RPGRIP1L: variants seen among roughly 807,000 people sequenced by gnomAD.
The protein encoded by RPGRIP1L is RPGRIP1 like, also known as protein fantom.
Under a neutral mutation model 160.4 loss-of-function variants are expected in RPGRIP1L, and 131 were observed. That is an observed-to-expected ratio of 0.82 (90% CI 0.71 to 0.94). The LOEUF (loss-of-function observed/expected upper bound fraction) is 0.94. RPGRIP1L is among the 40% of genes least tolerant of loss of function. RPGRIP1L has a pLI of 0.00. For synonymous variants in RPGRIP1L, 510 were observed against 515.8 expected (o/e 0.99, Z 0.15); for missense variants, 1,522 against 1,535.8 (o/e 0.99, Z 0.15).
rs953486434 is a variant in RPGRIP1L at position 53,646,011 on chromosome 16, A to C, written c.2305-8T>G. On this transcript the variant is annotated splice_region_variant and splice_polypyrimidine_tract_variant and intron_variant, in intron 16 of 26. Coordinates refer to ENST00000647211, the MANE Select transcript of RPGRIP1L (RefSeq NM_015272.5). ...GGGTGCTTGCTGACTTAACTGGAAAAACATACATATTTATATTAAGGAAAT... is the reference window on the plus strand; with the variant it reads ...GGGTGCTTGCTGACTTAACTGGAAACACATACATATTTATATTAAGGAAAT... 3.1e-6 allele frequency: 5 copies of C among 1,613,430 alleles called. No homozygotes were observed.
At chr16:53,651,170 C>CATCACTAT (rs1966849947) in intron 15 of RPGRIP1L, among the ~76,000 whole-genome samples, 1 of 152,172 alleles carries the variant, frequency 6.6e-6, no homozygotes, top group Admixed American at 6.5e-5. Flanking sequence ...CAGTAAATGG[C>CATCACTAT]ATCACTATTC....
intron 4 of RPGRIP1L, among the ~76,000 whole-genome samples, chr16:53,688,242 A>C (rs1377550186): frequency 1.3e-5 from 2 of 152,012 alleles, no homozygotes; most frequent in Non-Finnish European, 2.9e-5. Context: ...TAAGATTTAG[A>C]CTCCTGCAGT....
chr16:53,612,939 C>T (rs1282466442), intron 24 of RPGRIP1L, among the ~76,000 whole-genome samples: 1 of 152,180 alleles, frequency 6.6e-6, no homozygotes, highest in Non-Finnish European at 1.5e-5. Context: ...CTGGTAACCA[C>T]CATTCCATTT....
intron 25 of RPGRIP1L, among the ~76,000 whole-genome samples, chr16:53,610,222 T>C (rs1433542801): frequency 1.3e-5 from 2 of 152,154 alleles, no homozygotes; most frequent in Non-Finnish European, 2.9e-5. Context: ...CTTTTTAAGA[T>C]CAGTTTTTTT....
rs541397469 is a variant in RPGRIP1L, at chr16:53,656,117, C to T, written c.1699+355G>A. Among the ~76,000 whole-genome samples the T allele has an allele frequency of 3.9e-5, 6 of 152,146 alleles. No homozygotes were observed. In the South Asian group the frequency reaches 6.2e-4, roughly 16 times the overall value. Reference sequence around the variant, plus strand: ...ATGAAGTAATTTGAAATCTTGCTTGCAACACTGAATTTAAAAAGCAGTAGG... The same window carrying T: ...ATGAAGTAATTTGAAATCTTGCTTGTAACACTGAATTTAAAAAGCAGTAGG... On this transcript the variant is annotated intron_variant, in intron 14 of 26. Coordinates refer to ENST00000647211, the MANE Select transcript of RPGRIP1L (RefSeq NM_015272.5).
chr16:53,703,734 C>T (rs1478680441), intron 1 of RPGRIP1L, 69 bp downstream of exon 1: 2 of 282,212 alleles, frequency 7.1e-6, no homozygotes, highest in East Asian at 1.7e-4. Flanking sequence ...GACCCCGGCC[C>T]GCGCTGCAGT....
rs755790484 is a variant in RPGRIP1L, at chr16:53,641,029, T to TTA, written c.2958+2_2958+3dup. The TTA allele has an allele frequency of 1.3e-6, 2 of 1,594,992 alleles. No individual in the cohort carries two copies. The highest frequency in any genetic ancestry group is 2.2e-5 in the South Asian group (2 of 90,758). On this transcript the variant is annotated splice_donor_region_variant and intron_variant, in intron 19 of 26. Transcript: ENST00000647211. ...AATCAGTATTTTCAGTGTCTACTACTTACATCACTCTGATGTGGCATGATA... is the reference window on the plus strand; with the variant it reads ...AATCAGTATTTTCAGTGTCTACTACTTATACATCACTCTGATGTGGCATGATA...
At chr16:53,648,269 C>T (rs969822855) in intron 16 of RPGRIP1L, among the ~76,000 whole-genome samples, 5 of 151,996 alleles carry the variant, frequency 3.3e-5, no homozygotes, top group African/African-American at 4.8e-5. Flanking sequence ...GGAAATGCCA[C>T]CCTGAGGAAT....
intron 8 of RPGRIP1L, among the ~76,000 whole-genome samples, chr16:53,672,502 C>A (rs530523781): frequency 6.6e-6 from 1 of 152,116 alleles, no homozygotes; most frequent in Non-Finnish European, 1.5e-5. Context: ...AATACAACAG[C>A]CATCTCCTCA....
At chr16:53,617,091 A>AAAAAAAAAAAAAAAAAAAAAAC (rs1964427441) in intron 24 of RPGRIP1L, among the ~76,000 whole-genome samples, 1 of 148,896 alleles carries the variant, frequency 6.7e-6, no homozygotes, top group African/African-American at 2.5e-5. Flanking sequence ...AAAAAAAAAA[A>AAAAAAAAAAAAAAAAAAAAAAC]AAAAAAAAGC....
intron 25 of RPGRIP1L, among the ~76,000 whole-genome samples, chr16:53,609,299 TG>T (rs1963881646): frequency 6.6e-6 from 1 of 152,120 alleles, no homozygotes; most frequent in African/African-American, 2.4e-5. Flanking sequence ...AGTCTCACTA[TG>T]TTGCTCAGGC....
At chr16:53,640,864 C>A (rs1288702728) in intron 19 of RPGRIP1L, among the ~76,000 whole-genome samples, 169 bp downstream of exon 19, 1 of 152,072 alleles carries the variant, frequency 6.6e-6, no homozygotes, top group African/African-American at 2.4e-5. Context: ...AAAATTTGAA[C>A]AGTTAACACT....
rs554358957 is a variant in RPGRIP1L at position 53,698,307 on chromosome 16, G to A, written c.86-2012C>T. Among the ~76,000 whole-genome samples the A allele has an allele frequency of 2.2e-3, 316 of 145,134 alleles. 2 individuals are homozygous for A. The East Asian group carries it at 0.023, about 10-fold the overall frequency. The stretch of plus-strand genomic sequence containing the variant: ...CCCCGCCAGGCCAGCCGCCCCGTCC[G>A]GGAGGGAGGTGGGGGGGTCAGCCCC... On this transcript the variant is annotated intron_variant, in intron 2 of 26. Coordinates refer to ENST00000647211, the MANE Select transcript of RPGRIP1L (RefSeq NM_015272.5).
At chr16:53,696,504 T>C (rs770563164) in intron 2 of RPGRIP1L, among the ~76,000 whole-genome samples, 12 of 152,288 alleles carry the variant, frequency 7.9e-5, no homozygotes, top group Admixed American at 7.8e-4. Context: ...TTATATACAG[T>C]TTTAGGAATT....
intron 22 of RPGRIP1L, among the ~76,000 whole-genome samples, chr16:53,626,159 A>AAAG (rs1185397508): frequency 6.3e-4 from 96 of 151,504 alleles, no homozygotes; most frequent in African/African-American, 2.2e-3. Context: ...AAAAAAAAAA[A>AAAG]AAAAAAAAAG....
At chr16:53,649,438 T>C (rs1966797368) in intron 15 of RPGRIP1L, among the ~76,000 whole-genome samples, 1 of 152,222 alleles carries the variant, frequency 6.6e-6, no homozygotes, top group South Asian at 2.1e-4. Context: ...CAGATTCTTT[T>C]TGATGCTATA....
At chr16:53,693,777 G>C (rs1429448399) in intron 3 of RPGRIP1L, 4 of 152,052 alleles carry the variant, frequency 2.6e-5, no homozygotes, top group South Asian at 4.2e-4. Flanking sequence ...ATGAGTTTAG[G>C]GTCCTAAGCC....
intron 25 of RPGRIP1L, among the ~76,000 whole-genome samples, chr16:53,610,746 T>C (rs1333135747): frequency 6.6e-6 from 1 of 152,154 alleles, no homozygotes; most frequent in Non-Finnish European, 1.5e-5. Flanking sequence ...GTGTTCCAAG[T>C]CCTATAGGAT....
At chr16:53,698,220 G>T (rs1181128944) in intron 2 of RPGRIP1L, among the ~76,000 whole-genome samples, 1 of 151,364 alleles carries the variant, frequency 6.6e-6, no homozygotes, top group Admixed American at 6.5e-5. Context: ...CACCCCGTCT[G>T]GGAAGTGAGG....
Sources: allele counts gnomAD v4.1 joint callset (sites outside exome capture counted in the v4.1 genomes callset), GRCh38; gene constraint gnomAD v4.1.1; transcripts MANE v1.5; gene names NCBI Gene and HGNC (gene_info 2026-07-23, HGNC 2026-07-21).